The following CSMD3 variants were observed in gnomAD, a reference collection of about 807,000 sequenced individuals.
CSMD3 encodes CUB and Sushi multiple domains 3, also known as CUB and sushi domain-containing protein 3.
A neutral mutation model predicts 435.2 loss-of-function variants in CSMD3; 177 were observed. The observed-to-expected ratio is 0.41, with a 90% CI of 0.36 to 0.46. The LOEUF (loss-of-function observed/expected upper bound fraction) is 0.46, where lower values mean the gene tolerates loss of function less well. Ranked by LOEUF, CSMD3 falls within the 20% of genes least tolerant of loss-of-function variation. The pLI, the probability that CSMD3 is intolerant of heterozygous loss-of-function variation, is 0.34. For synonymous variants in CSMD3, 1,656 were observed against 1,520.5 expected (o/e 1.09, Z -2.07); for missense variants, 4,265 against 4,504.6 (o/e 0.95, Z 1.52).
At chr8:113,233,025 A>C (rs957699746) in intron 3 of CSMD3, among the ~76,000 whole-genome samples, 10 of 151,924 alleles carry the variant, frequency 6.6e-5, no homozygotes, top group Non-Finnish European at 1.3e-4. Context: ...TTAAGATATA[A>C]ATTTTAACAA....
chr8:112,554,179 A>G (rs912414040), intron 25 of CSMD3, among the ~76,000 whole-genome samples: 77 of 152,026 alleles, frequency 5.1e-4, no homozygotes, highest in Non-Finnish European at 1.0e-3. Context: ...AGATAGATGG[A>G]TAAGGAAGAC....
At chr8:112,227,708 T>C (rs1812700382) in intron 70 of CSMD3, among the ~76,000 whole-genome samples, 1 of 152,166 alleles carries the variant, frequency 6.6e-6, no homozygotes, top group South Asian at 2.1e-4. Flanking sequence ...CACATTTATA[T>C]AATATTAAAT....
intron 12 of CSMD3, among the ~76,000 whole-genome samples, chr8:112,826,653 C>A (rs1329466323): frequency 6.6e-6 from 1 of 152,144 alleles, no homozygotes; most frequent in African/African-American, 2.4e-5. Context: ...TGCTAGCCAC[C>A]TAGTCAGTTC....
At chr8:112,594,531 C>T (rs1370336728) in intron 22 of CSMD3, among the ~76,000 whole-genome samples, 5 of 152,206 alleles carry the variant, frequency 3.3e-5, no homozygotes, top group African/African-American at 1.2e-4. Context: ...TCAAGGAGGC[C>T]TGCCTGCCTC....
intron 6 of CSMD3, among the ~76,000 whole-genome samples, chr8:113,014,870 A>C (rs2131147454): frequency 6.6e-6 from 1 of 152,294 alleles, no homozygotes. Flanking sequence ...GAAGAGTCAA[A>C]AAAAGAAGAA....
chr8:113,213,513 T>G (rs1353156404), intron 3 of CSMD3, among the ~76,000 whole-genome samples: 1 of 150,656 alleles, frequency 6.6e-6, no homozygotes, highest in Non-Finnish European at 1.5e-5. Context: ...TTTTGTGTGT[T>G]TTTTTTTTAG....
chr8:112,427,779 G>T (rs890981408), intron 32 of CSMD3, among the ~76,000 whole-genome samples: 2 of 152,164 alleles, frequency 1.3e-5, no homozygotes, highest in South Asian at 2.1e-4. Context: ...TCATTACTTT[G>T]TATCTTCTAA....
intron 1 of CSMD3, among the ~76,000 whole-genome samples, chr8:113,410,488 G>A (rs1290342682): frequency 3.9e-5 from 6 of 151,940 alleles, no homozygotes; most frequent in African/African-American, 1.5e-4. Context: ...GAATATGCTT[G>A]TCTTCTATAC....
rs141375177 is a variant in CSMD3, at chr8:112,526,359, T to C, written c.4565-9134A>G. On this transcript the variant is annotated intron_variant, in intron 27 of 70. Transcript: ENST00000297405. ...AAGAGAACATGGTACTGGCATACTA[T>C]GTTCTTTTATTTATTTTTTGAATCA... 2.3e-3 allele frequency among the ~76,000 whole-genome samples: 353 copies of C among 152,140 alleles called. 3 individuals carry two copies. The highest frequency in any genetic ancestry group is 6.8e-3 in the Middle Eastern group (2 of 294).
intron 32 of CSMD3, among the ~76,000 whole-genome samples, chr8:112,411,346 G>A (rs1205430698): frequency 6.6e-6 from 1 of 151,818 alleles, no homozygotes; most frequent in Non-Finnish European, 1.5e-5. Context: ...TATTAACTCG[G>A]TTGGGAGAGT....
intron 12 of CSMD3, among the ~76,000 whole-genome samples, chr8:112,807,462 A>T (rs1371407582): frequency 6.6e-6 from 1 of 151,836 alleles, no homozygotes; most frequent in Non-Finnish European, 1.5e-5. Flanking sequence ...CACAGTTAAT[A>T]GAAGTTACTG....
chr8:112,487,933 C>T (rs1232014913), intron 31 of CSMD3, among the ~76,000 whole-genome samples: 2 of 152,046 alleles, frequency 1.3e-5, no homozygotes, highest in Non-Finnish European at 2.9e-5. Flanking sequence ...TTAAAAGATA[C>T]TTTTTAAAGT....
intron 13 of CSMD3, among the ~76,000 whole-genome samples, chr8:112,781,243 A>G (rs555096247): frequency 6.6e-6 from 1 of 152,188 alleles, no homozygotes; most frequent in South Asian, 2.1e-4. Flanking sequence ...TAATCTGACT[A>G]AAGAGTCTTT....
chr8:113,268,090 T>G lies in CSMD3; in HGVS notation c.514+10502A>C, dbSNP rs184532091. ...TATTCCATGGTAGGTTCTCATATAC[T>G]CTTTCACCTATAAAAAGTGACTATG... is the stretch of plus-strand genomic sequence containing the variant. On this transcript the variant is annotated intron_variant, in intron 3 of 70. Coordinates refer to ENST00000297405, the MANE Select transcript of CSMD3 (RefSeq NM_198123.2). Among the ~76,000 whole-genome samples the G allele has an allele frequency of 3.8e-3, 576 of 151,856 alleles. 7 individuals carry two copies. The highest frequency in any genetic ancestry group is 0.013 in the African/African-American group (555 of 41,488).
At chr8:113,134,871 C>T (rs892319616) in intron 4 of CSMD3, among the ~76,000 whole-genome samples, 1 of 151,792 alleles carries the variant, frequency 6.6e-6, no homozygotes, top group African/African-American at 2.4e-5. Context: ...CTGAAGGCCC[C>T]GTGCTGCATT....
intron 6 of CSMD3, among the ~76,000 whole-genome samples, chr8:112,985,224 T>A (rs2085211389): frequency 6.6e-6 from 1 of 152,064 alleles, no homozygotes; most frequent in Non-Finnish European, 1.5e-5. Context: ...TCTTAAAGGA[T>A]GAGCAGATTT....
chr8:112,433,473 T>G (rs1813945957), intron 32 of CSMD3, among the ~76,000 whole-genome samples: 1 of 151,252 alleles, frequency 6.6e-6, no homozygotes, highest in Non-Finnish European at 1.5e-5. Context: ...CTGGGCAACA[T>G]AGTAAGACCC....
intron 2 of CSMD3, chr8:113,313,993 C>T (rs1305783595): frequency 1.3e-5 from 2 of 152,154 alleles, no homozygotes; most frequent in South Asian, 2.1e-4. Flanking sequence ...AGTCAGGGTG[C>T]TAGTTAATTT....
intron 42 of CSMD3, among the ~76,000 whole-genome samples, chr8:112,338,088 T>C (rs1824747676): frequency 6.6e-6 from 1 of 152,222 alleles, no homozygotes; most frequent in Non-Finnish European, 1.5e-5. Context: ...TTCTTGATTA[T>C]GTTACAAGCA....
Sources: allele counts gnomAD v4.1 joint callset (sites outside exome capture counted in the v4.1 genomes callset), GRCh38; gene constraint gnomAD v4.1.1; transcripts MANE v1.5; gene names NCBI Gene and HGNC (gene_info 2026-07-23, HGNC 2026-07-21).